Variants in VPS13C observed in about 807,000 individuals in gnomAD.
The protein encoded by VPS13C is intermembrane lipid transfer protein VPS13C.
VPS13C carries 358 observed loss-of-function variants against 456.8 expected under a neutral mutation model. The ratio of observed to expected loss-of-function variants is 0.78; its 90% CI spans 0.72 to 0.86. The LOEUF is 0.86. Ranked by LOEUF, VPS13C falls within the 40% of genes least tolerant of loss-of-function variation. VPS13C has a pLI of 0.00. For synonymous variants in VPS13C, 1,578 were observed against 1,486.7 expected (o/e 1.06, Z -1.41); for missense variants, 4,818 against 4,385.4 (o/e 1.10, Z -2.79).
At chr15:61,873,145 C>T in intron 78 of VPS13C, 101 bp downstream of exon 78, 1 of 1,480,748 alleles carries the variant, frequency 6.8e-7, no homozygotes, top group Non-Finnish European at 9.0e-7. Context: ...TCTATTCCTA[C>T]AGGCCTAGAC....
chr15:61,958,537 T>G (rs2045085809), intron 37 of VPS13C, 71 bp downstream of exon 37: 2 of 849,906 alleles, frequency 2.4e-6, no homozygotes, highest in Middle Eastern at 2.2e-4. Flanking sequence ...TACTTTTTAT[T>G]TGCTGATTCC....
intron 66 of VPS13C, among the ~76,000 whole-genome samples, chr15:61,897,256 G>A (rs2042853457): frequency 6.6e-6 from 1 of 152,252 alleles, no homozygotes; most frequent in Non-Finnish European, 1.5e-5. Context: ...GATGGAGAAT[G>A]ACTTTGATGA....
chr15:61,912,227 TTAAC>T (rs960496429), intron 62 of VPS13C, among the ~76,000 whole-genome samples: 2 of 152,206 alleles, frequency 1.3e-5, no homozygotes, highest in Admixed American at 6.6e-5. Flanking sequence ...AATTAGTAAT[TTAAC>T]TAACGACTTA....
rs117354013 is a variant in VPS13C at position 62,030,139 on chromosome 15, C to T, written c.386-1719G>A. Among the ~76,000 whole-genome samples, 91 of 152,146 alleles carry T rather than the reference C, an allele frequency of 6.0e-4. 1 individual carries two copies. In the East Asian group the frequency reaches 0.014, roughly 24 times the overall value. On this transcript the variant is annotated intron_variant, in intron 5 of 84. Coordinates refer to ENST00000644861, the MANE Select transcript of VPS13C (RefSeq NM_020821.3). ...ACACGATTGGAAAATACTATCATTT[C>T]TCATATAGCAGACAAATTTCATGTA...
intron 67 of VPS13C, among the ~76,000 whole-genome samples, chr15:61,886,572 G>A (rs1896288862): frequency 6.6e-6 from 1 of 151,996 alleles, no homozygotes; most frequent in Admixed American, 6.6e-5. Context: ...CAATGTCAAA[G>A]AAGCCATGTA....
intron 78 of VPS13C, among the ~76,000 whole-genome samples, chr15:61,872,465 T>C (rs1205594199): frequency 1.3e-5 from 2 of 151,994 alleles, no homozygotes; most frequent in African/African-American, 4.8e-5. Flanking sequence ...AAACTGAAAA[T>C]AAAGGGCCCT....
intron 60 of VPS13C, among the ~76,000 whole-genome samples, chr15:61,916,762 ACTT>A (rs1426342652): frequency 2.0e-5 from 3 of 152,220 alleles, no homozygotes; most frequent in East Asian, 3.9e-4. Context: ...AATCTTTATT[ACTT>A]CTTAAGACAG....
intron 67 of VPS13C, among the ~76,000 whole-genome samples, chr15:61,885,462 G>C (rs1280801691): frequency 1.3e-5 from 2 of 152,066 alleles, no homozygotes; most frequent in Non-Finnish European, 2.9e-5. Context: ...AGAACTCAAA[G>C]AGTACAATAA....
intron 77 of VPS13C, among the ~76,000 whole-genome samples, chr15:61,873,906 T>C (rs964789608): frequency 1.3e-5 from 2 of 151,802 alleles, no homozygotes; most frequent in Non-Finnish European, 2.9e-5. Flanking sequence ...ATAGCTAACA[T>C]ATGCAATCAA....
chr15:61,912,595 T>A (rs975264030), intron 62 of VPS13C, among the ~76,000 whole-genome samples: 13 of 151,938 alleles, frequency 8.6e-5, no homozygotes, highest in Non-Finnish European at 1.8e-4. Flanking sequence ...GCCCTCCACA[T>A]TATCACTTGA....
At chr15:62,013,255 A>T (rs2047111085) in intron 10 of VPS13C, 136 bp from the exon 11 acceptor site, 3 of 536,488 alleles carry the variant, frequency 5.6e-6, no homozygotes, top group Non-Finnish European at 9.4e-6. Flanking sequence ...AGAAAATAAC[A>T]TAAAAATGAG....
intron 58 of VPS13C, among the ~76,000 whole-genome samples, chr15:61,918,744 G>T (rs4774426): frequency 0.067 from 10,179 of 151,948 alleles, 564 homozygotes; most frequent in East Asian, 0.21. Flanking sequence ...GATGTTACAG[G>T]TAGGAAAAAA....
chr15:61,857,965 C>A (rs1894012003), intron 82 of VPS13C, among the ~76,000 whole-genome samples: 1 of 152,130 alleles, frequency 6.6e-6, no homozygotes, highest in Non-Finnish European at 1.5e-5. Flanking sequence ...CTAGCCCCAG[C>A]CTAGTAAGTG....
chr15:61,874,601 G>T, intron 77 of VPS13C, among the ~76,000 whole-genome samples: 1 of 151,812 alleles, frequency 6.6e-6, no homozygotes, highest in East Asian at 1.9e-4. Flanking sequence ...AAAAAATGCA[G>T]AAATTAACTT....
intron 15 of VPS13C, among the ~76,000 whole-genome samples, chr15:62,001,183 C>A (rs2046599374): frequency 6.6e-6 from 1 of 152,206 alleles, no homozygotes; most frequent in African/African-American, 2.4e-5. Flanking sequence ...ATTCTCACCA[C>A]TCTGTAAGAC....
chr15:62,051,285 G>A (rs2048609288), intron 1 of VPS13C, among the ~76,000 whole-genome samples: 1 of 152,144 alleles, frequency 6.6e-6, no homozygotes, highest in Non-Finnish European at 1.5e-5. Context: ...ATATTGTACT[G>A]GGGTGGAACC....
intron 8 of VPS13C, among the ~76,000 whole-genome samples, chr15:62,021,682 G>C (rs1437566135): frequency 1.3e-5 from 2 of 151,854 alleles, no homozygotes; most frequent in African/African-American, 4.8e-5. Context: ...AAATCCATGT[G>C]GTACAGTTGA....
chr15:61,920,040 C>T (rs1243645120), intron 57 of VPS13C, 27 bp downstream of exon 57: 1 of 1,548,140 alleles, frequency 6.5e-7, no homozygotes, highest in East Asian at 2.3e-5. Context: ...TGCTAAGATA[C>T]CCTTAAGGAA....
intron 12 of VPS13C, 86 bp from the exon 13 acceptor site, chr15:62,010,685 T>A: frequency 7.8e-7 from 1 of 1,287,294 alleles, no homozygotes; most frequent in Non-Finnish European, 1.0e-6. Context: ...ACTGTTACTC[T>A]AGAAGTAAAG....
Sources: allele counts gnomAD v4.1 joint callset (sites outside exome capture counted in the v4.1 genomes callset), GRCh38; gene constraint gnomAD v4.1.1; transcripts MANE v1.5; gene names NCBI Gene and HGNC (gene_info 2026-07-23, HGNC 2026-07-21).